Variants in SIRT3 observed in about 807,000 individuals in gnomAD.
SIRT3 encodes the protein NAD-dependent protein deacetylase sirtuin-3, mitochondrial.
Under a neutral mutation model 33.5 loss-of-function variants are expected in SIRT3, and 26 were observed. The observed-to-expected ratio is 0.78, with a 90% CI of 0.57 to 1.08. SIRT3 has a LOEUF of 1.08. Ranked by LOEUF, SIRT3 falls within the 50% of genes least tolerant of loss-of-function variation. SIRT3 has a pLI of 0.00. For synonymous variants in SIRT3, 237 were observed against 222.1 expected (o/e 1.07, Z -0.60); for missense variants, 585 against 530.1 (o/e 1.10, Z -1.02).
rs756649033 is a variant in SIRT3 at position 224,067 on chromosome 11, T to G, written c.969+11A>C. ...CTCCAGCCTCCTCCCTGCACAGGCCTGCTGACAAACCTCCAGGGAGGTCCC... is the reference window on the plus strand; with the variant it reads ...CTCCAGCCTCCTCCCTGCACAGGCCGGCTGACAAACCTCCAGGGAGGTCCC... On this transcript the variant is annotated intron_variant, in intron 5 of 6. Coordinates refer to ENST00000382743, the MANE Select transcript of SIRT3 (RefSeq NM_012239.6). 1 of 1,613,778 alleles carries G rather than the reference T, an allele frequency of 6.2e-7. No individual in the cohort carries two copies. The highest frequency in any genetic ancestry group is 1.7e-5 in the Admixed American group (1 of 60,002).
intron 1 of SIRT3, among the ~76,000 whole-genome samples, chr11:235,701 C>G (rs565535487): frequency 6.6e-6 from 1 of 152,140 alleles, no homozygotes; most frequent in Admixed American, 6.5e-5. Context: ...GAGTATTAAC[C>G]GCACAACATT....
chr11:220,582 TTTA>T (rs1476397161), intron 5 of SIRT3, among the ~76,000 whole-genome samples: 2 of 152,212 alleles, frequency 1.3e-5, no homozygotes, highest in Admixed American at 6.5e-5. Flanking sequence ...ACATGCATTT[TTTA>T]ACCAATTTGA....
At chr11:222,907 C>T (rs538191815) in intron 5 of SIRT3, 1 of 152,452 alleles carries the variant, frequency 6.6e-6, no homozygotes, top group East Asian at 1.9e-4. Flanking sequence ...TGGTTCCCAA[C>T]CCTTCTAGCC....
Position 232,923 on chromosome 11 carries a change from A to G in SIRT3, c.706+60T>C, listed in dbSNP as rs530708915. 388 of 1,540,088 alleles carry G rather than the reference A, an allele frequency of 2.5e-4. 1 individual carries two copies. Among genetic ancestry groups the G allele is most frequent in the South Asian group, 1.3e-3 (113 of 87,876 alleles). On this transcript the variant is annotated intron_variant, in intron 3 of 6. Transcript: ENST00000382743. ...ACAGGCACCCGAGCCTCCCTGGGAG[A>G]AACAGGCACCCGAGCCTCCGTGGGA...
upstream of SIRT3, chr11:236,355 G>A (rs1454466410): frequency 2.6e-6 from 3 of 1,176,472 alleles, no homozygotes; most frequent in Non-Finnish European, 2.1e-6. Flanking sequence ...GGAGTCCTCC[G>A]GACTCGCCCC....
chr11:233,417 C>T lies in SIRT3; in HGVS notation c.399G>A (p.Arg133=), dbSNP rs199850070. 1 of 1,614,032 alleles carries T rather than the reference C, an allele frequency of 6.2e-7. No individual in the cohort carries two copies. Among genetic ancestry groups the T allele is most frequent in the Non-Finnish European group, 8.5e-7 (1 of 1,180,012 alleles). ...LSLQDVAELI[R]ARACQRVVVM... ...CCACCACCCTCTGGCAGGCTCTGGC[C>T]CGAATCAGCTCAGCTACATCCTGCA... is the stretch of plus-strand genomic sequence containing the variant. The change falls in exon 2 of 7, where the codon CGG becomes CGA. Residue 133 remains arginine (R), a synonymous_variant. Transcript: ENST00000382743.
rs1856770270 is a variant in SIRT3, at chr11:223,843, C to T, written c.969+235G>A. On this transcript the variant is annotated intron_variant, in intron 5 of 6. Transcript: ENST00000382743. This position sits in a 1 kb window ranked among gnomAD's most constrained non-coding sequence, Gnocchi z 4.8. ...CCCCTGCCCTCCAGCCTCCTCCCTG[C>T]ACAGGCCTGCCGACAGCCCATGAGA... The T allele has an allele frequency of 1.7e-6, 1 of 599,208 alleles. No individual in the cohort carries two copies. The highest frequency in any genetic ancestry group is 2.1e-5 in the African/African-American group (1 of 48,708). The allele number at this position is 599,208 out of a possible 1,614,324, so 37.1% of individuals were successfully genotyped here. A position where few individuals can be genotyped will look rare whatever the true frequency, so the allele number is the denominator to read the frequency against.
At chr11:220,122 G>C (rs1856225456) in intron 5 of SIRT3, among the ~76,000 whole-genome samples, 1 of 152,018 alleles carries the variant, frequency 6.6e-6, no homozygotes. Flanking sequence ...CTGAGGTCAG[G>C]AGTTCAAGAC....
chr11:235,554 T>A (rs1446989150), intron 1 of SIRT3, among the ~76,000 whole-genome samples: 1 of 152,248 alleles, frequency 6.6e-6, no homozygotes. Flanking sequence ...CAAGTCAATG[T>A]GCCATTATTT....
rs796455809 is a variant in SIRT3, at chr11:234,419, T to TTTTGC, written c.282-886_282-885insGCAAA. On this transcript the variant is annotated intron_variant, in intron 1 of 6. Coordinates refer to ENST00000382743, the MANE Select transcript of SIRT3 (RefSeq NM_012239.6). ...TAGCAAGGATTTTTGTTTTGTTTTGTTTTGTTTTGTTTTGAGACGGAGTCT... is the reference window on the plus strand; with the variant it reads ...TAGCAAGGATTTTTGTTTTGTTTTGTTTTGCTTTGTTTTGTTTTGAGACGGAGTCT... Among the ~76,000 whole-genome samples, 547 of 152,212 alleles carry TTTTGC rather than the reference T, an allele frequency of 3.6e-3. 6 individuals carry two copies. Among genetic ancestry groups the TTTTGC allele is most frequent in the African/African-American group, 0.013 (533 of 41,504 alleles).
intron 5 of SIRT3, among the ~76,000 whole-genome samples, chr11:221,531 A>C (rs1054098680): frequency 5.3e-5 from 8 of 152,180 alleles, no homozygotes; most frequent in African/African-American, 1.9e-4. Flanking sequence ...TTGTGGCTGA[A>C]TATGTTTCAG....
At chr11:235,930 G>C (rs1470312536) in intron 1 of SIRT3, 118 bp downstream of exon 1, 1 of 1,141,158 alleles carries the variant, frequency 8.8e-7, no homozygotes, top group African/African-American at 1.6e-5. Context: ...GGAGGCCCCG[G>C]TGTTGGAACG....
intron 3 of SIRT3, among the ~76,000 whole-genome samples, chr11:232,743 C>T (rs1488451686): frequency 6.6e-6 from 1 of 152,132 alleles, no homozygotes; most frequent in Non-Finnish European, 1.5e-5. Context: ...TGCAGGTATG[C>T]AGGAGAACAA....
chr11:230,376 T>G (rs990423857), intron 4 of SIRT3, 76 bp downstream of exon 4: 5 of 792,470 alleles, frequency 6.3e-6, no homozygotes, highest in Non-Finnish European at 9.3e-6. Flanking sequence ...TTCGAGACAA[T>G]GCTTATAAAA....
intron 5 of SIRT3, among the ~76,000 whole-genome samples, chr11:221,798 C>T (rs1392043943): frequency 1.3e-5 from 2 of 151,514 alleles, no homozygotes; most frequent in African/African-American, 4.8e-5. Context: ...TCTCCATGGA[C>T]TCACATTGTT....
intron 1 of SIRT3, chr11:233,881 G>A (rs1858476935): frequency 4.8e-6 from 1 of 206,908 alleles, no homozygotes; most frequent in East Asian, 1.3e-4. Context: ...GAAGCAAAGA[G>A]GGAAAACCCT....
In SIRT3 at chr11:219,004, C is replaced by T; in HGVS notation, c.1007G>A (p.Ser336Asn). The T allele has an allele frequency of 6.2e-7, 1 of 1,614,046 alleles. No homozygotes were observed. Among genetic ancestry groups the T allele is most frequent in the South Asian group, 1.1e-5 (1 of 91,064 alleles). The change falls in exon 6 of 7, where the codon AGC (serine) becomes AAC (asparagine). Residue 336 changes from serine to asparagine, a missense_variant. Physicochemically the swap from Ser to Asn is conservative, Grantham distance 46. Transcript: ENST00000382743. ...GTTGATGAGCAGTCGGGGAACTGAG[C>T]TCCGCACGGCCTCGGTCAAGCTGGC... ...PFASLTEAVRSSVPRLLINRD... is the reference protein window; with the variant it reads ...PFASLTEAVRNSVPRLLINRD...
At position 236,306 on chromosome 11, in the gene SIRT3, G is replaced by A. The variant is rs2974901; in HGVS notation, c.23C>T (p.Ala8Val). 3.0e-3 allele frequency: 4,583 copies of A among 1,520,700 alleles called. 117 individuals are homozygous for A. The African/African-American group carries it at 0.056, about 19-fold the overall frequency. 94.2% of individuals were successfully genotyped at this position (1,520,700 alleles called of 1,614,324 possible). MAFWGWR[A>V]AAALRLWGRV... ...GCCCCACAGCCGGAGGGCTGCCGCG[G>A]CGCGCCAACCCCAGAACGCCATGTT... The change falls in exon 1 of 7, where the codon GCC becomes GTC. Residue 8 changes from alanine (A) to valine (V), a missense_variant. By Grantham distance (64) the Ala-to-Val change is moderately conservative (BLOSUM62 0). Coordinates refer to ENST00000382743, the MANE Select transcript of SIRT3 (RefSeq NM_012239.6).
At chr11:235,562 TTTAC>T (rs1201962928) in intron 1 of SIRT3, among the ~76,000 whole-genome samples, 3 of 152,228 alleles carry the variant, frequency 2.0e-5, no homozygotes, top group Non-Finnish European at 4.4e-5. Flanking sequence ...TGTGCCATTA[TTTAC>T]TTAAATATTC....
Sources: allele counts gnomAD v4.1 joint callset (sites outside exome capture counted in the v4.1 genomes callset), GRCh38; gene constraint gnomAD v4.1.1; non-coding constraint Gnocchi (gnomAD v3.1); transcripts MANE v1.5; gene names NCBI Gene and HGNC (gene_info 2026-07-23, HGNC 2026-07-21).